Variants in C2CD5 observed in about 807,000 individuals in gnomAD.
C2CD5 encodes C2 domain-containing protein 5.
In C2CD5, 109 loss-of-function variants were observed where a neutral mutation model predicts 130.3. That is an observed-to-expected ratio of 0.84 (90% CI 0.72 to 0.98). C2CD5 has a LOEUF of 0.98. Ranked by LOEUF, C2CD5 falls within the 50% of genes least tolerant of loss-of-function variation. C2CD5 has a pLI of 0.00. For missense variants in C2CD5, 996 were observed against 1,261.8 expected (o/e 0.79, Z 3.19); for synonymous variants, 454 against 429.2 (o/e 1.06, Z -0.71).
chr12:22,488,318 A>G (rs1945845359), intron 12 of C2CD5, among the ~76,000 whole-genome samples: 1 of 152,204 alleles, frequency 6.6e-6, no homozygotes, highest in Non-Finnish European at 1.5e-5. Context: ...CAAAGCATAT[A>G]AGAATTTGAA....
chr12:22,534,942 A>C (rs1016029459), intron 3 of C2CD5: 8 of 193,696 alleles, frequency 4.1e-5, no homozygotes, highest in African/African-American at 1.9e-4. Flanking sequence ...ATAGTACTAC[A>C]ATTTTTAAAA....
At chr12:22,482,242 G>A (rs11046442) in intron 14 of C2CD5, among the ~76,000 whole-genome samples, 1 of 152,136 alleles carries the variant, frequency 6.6e-6, no homozygotes, top group South Asian at 2.1e-4. Context: ...TCCTGCCCTA[G>A]TACTGAGATG....
intron 22 of C2CD5, among the ~76,000 whole-genome samples, chr12:22,462,362 T>C (rs1178489784): frequency 6.6e-6 from 1 of 152,206 alleles, no homozygotes; most frequent in African/African-American, 2.4e-5. Flanking sequence ...GCTTCTATTA[T>C]AATTTGGTTT....
chr12:22,453,673 T>A (rs1313163234), intron 26 of C2CD5, among the ~76,000 whole-genome samples: 1 of 152,190 alleles, frequency 6.6e-6, no homozygotes, highest in East Asian at 1.9e-4. Context: ...AAATTCCAGA[T>A]GTGATTAAGA....
intron 3 of C2CD5, among the ~76,000 whole-genome samples, chr12:22,534,010 AC>A (rs1311807745): frequency 1.3e-5 from 2 of 152,172 alleles, no homozygotes; most frequent in East Asian, 3.9e-4. Context: ...ACAGGGCAAA[AC>A]CCCATCTCTA....
At chr12:22,471,828 G>A (rs1037826375) in intron 19 of C2CD5, 139 bp downstream of exon 19, 2 of 583,980 alleles carry the variant, frequency 3.4e-6, no homozygotes, top group African/African-American at 1.9e-5. Context: ...TATCTCACCC[G>A]CTGATAGAGG....
At chr12:22,538,894 G>A (rs777001084) in intron 2 of C2CD5, among the ~76,000 whole-genome samples, 13 of 151,968 alleles carry the variant, frequency 8.6e-5, no homozygotes, top group Non-Finnish European at 1.8e-4. Context: ...CCTCTTCTAT[G>A]AACTTAAGTC....
At chr12:22,484,954 T>C (rs977491201) in intron 12 of C2CD5, 66 bp from the exon 13 acceptor site, 56 of 741,856 alleles carry the variant, frequency 7.5e-5, no homozygotes, top group African/African-American at 6.4e-4. Context: ...AAAATAATTA[T>C]GTAACTGATA....
At chr12:22,533,345 A>C (rs1054164658) in intron 3 of C2CD5, among the ~76,000 whole-genome samples, 7 of 152,188 alleles carry the variant, frequency 4.6e-5, no homozygotes, top group African/African-American at 1.7e-4. Flanking sequence ...GAATGAGGTT[A>C]ACACATGTAA....
chr12:22,453,143 T>G (rs1431926037), intron 26 of C2CD5, among the ~76,000 whole-genome samples: 4 of 152,206 alleles, frequency 2.6e-5, no homozygotes, highest in Non-Finnish European at 4.4e-5. Flanking sequence ...TAGTCTATAT[T>G]AGAGCTTCTT....
chr12:22,475,353 T>A (rs895728519), intron 15 of C2CD5, among the ~76,000 whole-genome samples: 1 of 152,230 alleles, frequency 6.6e-6, no homozygotes, highest in Non-Finnish European at 1.5e-5. Flanking sequence ...ATATGATCAA[T>A]GTATGAGTAT....
chr12:22,536,303 C>G lies in C2CD5; in HGVS notation c.91-959G>C, dbSNP rs539646495. On this transcript the variant is annotated intron_variant, in intron 2 of 26. Transcript: ENST00000446597. ...GAAAGAGAAGCTGACTCACTTTGTACCTTTTGAATTTTGAACCATGCATAA... is the reference window on the plus strand; with the variant it reads ...GAAAGAGAAGCTGACTCACTTTGTAGCTTTTGAATTTTGAACCATGCATAA... Among the ~76,000 whole-genome samples, 606 of 152,194 alleles carry G rather than the reference C, an allele frequency of 4.0e-3. 2 individuals carry two copies. The highest frequency in any genetic ancestry group is 6.5e-3 in the Non-Finnish European group (439 of 67,980).
At chr12:22,529,438 C>T (rs761986274) in intron 3 of C2CD5, among the ~76,000 whole-genome samples, 1 of 152,054 alleles carries the variant, frequency 6.6e-6, no homozygotes, top group Non-Finnish European at 1.5e-5. Flanking sequence ...TATTTTTTCT[C>T]ATGGTACACT....
chr12:22,508,365 G>A (rs1948820297), intron 9 of C2CD5, among the ~76,000 whole-genome samples: 1 of 152,120 alleles, frequency 6.6e-6, no homozygotes, highest in African/African-American at 2.4e-5. Context: ...AGGATGGAAG[G>A]AGAGTACGTC....
In C2CD5 at chr12:22,544,467, T is replaced by TCTGCCGCCC. The variant is rs1395353011; in HGVS notation, c.-186_-178dup. 1 of 228,444 alleles carries TCTGCCGCCC rather than the reference T, an allele frequency of 4.4e-6. No homozygotes were observed. The highest frequency in any genetic ancestry group is 8.5e-6 in the Non-Finnish European group (1 of 117,686). 14.2% of individuals were successfully genotyped at this position (228,444 alleles called of 1,614,324 possible). A position where few individuals can be genotyped will look rare whatever the true frequency, so the allele number is the denominator to read the frequency against. On this transcript the variant is annotated 5_prime_UTR_variant, in exon 1 of 27. Transcript: ENST00000446597. Reference sequence around the variant, plus strand: ...AACCCAGTCAGCATCCCGTTGAGCCTCTGCCGCCCCTGCTTGTCTCTCCTC... The same window carrying TCTGCCGCCC: ...AACCCAGTCAGCATCCCGTTGAGCCTCTGCCGCCCCTGCCGCCCCTGCTTGTCTCTCCTC...
chr12:22,488,417 C>A lies in C2CD5; in HGVS notation c.1358+1706G>T, dbSNP rs1321002169. On this transcript the variant is annotated intron_variant, in intron 12 of 26. Coordinates refer to ENST00000446597, the MANE Select transcript of C2CD5 (RefSeq NM_001286176.2). ...TAATTTTTATAGCAGAAAGAAAAGG[C>A]ATTTTCCTTGTTTTTTTCTTTTTTT... Among the ~76,000 whole-genome samples, 4 of 151,298 alleles carry A rather than the reference C, an allele frequency of 2.6e-5. No individual in the cohort carries two copies. The East Asian group carries it at 7.7e-4, about 29-fold the overall frequency.
chr12:22,523,542 C>A lies in C2CD5; in HGVS notation c.684G>T (p.Leu228=). ...AVVGYLQCFD[L]EGESGLVVRA... ...GCACCACTAACCCAGACTCGCCCTC[C>A]AGATCGAAACACTGTAAGTACCCCA... is the stretch of plus-strand genomic sequence containing the variant. Residue 228 remains leucine (L), a synonymous_variant, in exon 7 of 27, where the codon CTG becomes CTT. Transcript: ENST00000446597. 1 of 1,613,996 alleles carries A rather than the reference C, an allele frequency of 6.2e-7. No individual in the cohort carries two copies. The highest frequency in any genetic ancestry group is 2.2e-5 in the East Asian group (1 of 44,870).
intron 3 of C2CD5, among the ~76,000 whole-genome samples, chr12:22,530,305 AAT>A (rs965905056): frequency 3.4e-5 from 5 of 148,794 alleles, no homozygotes; most frequent in Non-Finnish European, 3.0e-5. Flanking sequence ...TTTAAAACTG[AAT>A]ATATATATAT....
rs559831404 is a variant in C2CD5, at chr12:22,493,260, G to A, written c.1225C>T (p.His409Tyr). 1.4e-5 allele frequency: 23 copies of A among 1,610,392 alleles called. No homozygotes were observed. The East Asian group carries it at 4.7e-4, about 33-fold the overall frequency. The change falls in exon 11 of 27, where the codon CAT (histidine) becomes TAT (tyrosine). Residue 409 changes from histidine to tyrosine, a missense_variant. Physicochemically the swap from His to Tyr is moderately conservative, Grantham distance 83. Transcript: ENST00000446597. ...IKSHAKALGC[H>Y]AVVGYSESTS... ...GATTCACTGTAGCCCACTACAGCAT[G>A]ACAGCCTAATGCTTTAGCATGTGAT...
Sources: allele counts gnomAD v4.1 joint callset (sites outside exome capture counted in the v4.1 genomes callset), GRCh38; gene constraint gnomAD v4.1.1; transcripts MANE v1.5; gene names NCBI Gene and HGNC (gene_info 2026-07-23, HGNC 2026-07-21).